Variants in ADCY2 observed in about 807,000 individuals in gnomAD.
The protein encoded by ADCY2 is adenylate cyclase type 2.
Under a neutral mutation model 125.2 loss-of-function variants are expected in ADCY2, and 31 were observed. The ratio of observed to expected loss-of-function variants is 0.25; its 90% CI spans 0.19 to 0.33. The LOEUF is 0.33. Ranked by LOEUF, ADCY2 falls within the 10% of genes least tolerant of loss-of-function variation. ADCY2 has a pLI of 1.00. For synonymous variants in ADCY2, 512 were observed against 548.4 expected (o/e 0.93, Z 0.93); for missense variants, 904 against 1,418.2 (o/e 0.64, Z 5.82).
At chr5:7,820,168 G>A (rs2126540645) in intron 23 of ADCY2, among the ~76,000 whole-genome samples, 1 of 152,222 alleles carries the variant, frequency 6.6e-6, no homozygotes, top group South Asian at 2.1e-4. Context: ...ACAGTATTGG[G>A]GCTGTTTCCT....
At chr5:7,414,899 AT>A (rs1320089284) in intron 2 of ADCY2, 129 bp downstream of exon 2, 17 of 703,974 alleles carry the variant, frequency 2.4e-5, no homozygotes, top group Non-Finnish European at 3.1e-5. Flanking sequence ...ATTTTTTTCG[AT>A]TTATATTGCT....
intron 4 of ADCY2, among the ~76,000 whole-genome samples, chr5:7,658,399 TTGTGTG>T (rs369870574): frequency 1.5e-5 from 2 of 131,026 alleles, no homozygotes; most frequent in South Asian, 2.6e-4. Flanking sequence ...GTGAAGAGAA[TTGTGTG>T]TGTGTGTGTG....
chr5:7,688,223 TC>T (rs564793517), intron 4 of ADCY2, among the ~76,000 whole-genome samples: 3 of 152,130 alleles, frequency 2.0e-5, no homozygotes, highest in Non-Finnish European at 4.4e-5. Context: ...CAGGGACTCC[TC>T]TGTTCATGTC....
intron 2 of ADCY2, among the ~76,000 whole-genome samples, chr5:7,513,423 T>C (rs963613677): frequency 6.6e-6 from 1 of 152,224 alleles, no homozygotes; most frequent in Non-Finnish European, 1.5e-5. Context: ...TTTGCAGATT[T>C]TGTTATCGAA....
In ADCY2 at chr5:7,530,120, C is replaced by T. The variant is rs16878767; in HGVS notation, c.570+9221C>T. On this transcript the variant is annotated intron_variant, in intron 3 of 24. Transcript: ENST00000338316. Reference sequence around the variant, plus strand: ...TAAAATGGCAGCAGCAATGGCCAACCTCCTTGTTTGGTTGCTGGCCTTGGT... The same window carrying T: ...TAAAATGGCAGCAGCAATGGCCAACTTCCTTGTTTGGTTGCTGGCCTTGGT... Among the ~76,000 whole-genome samples, 529 of 152,272 alleles carry T rather than the reference C, an allele frequency of 3.5e-3. 3 individuals are homozygous for T. Among genetic ancestry groups the T allele is most frequent in the African/African-American group, 0.012 (511 of 41,552 alleles).
intron 2 of ADCY2, among the ~76,000 whole-genome samples, chr5:7,518,698 G>C (rs552186587): frequency 2.0e-5 from 3 of 152,142 alleles, no homozygotes; most frequent in Non-Finnish European, 4.4e-5. Context: ...AGGATTCCGG[G>C]TCATTTTTCC....
intron 6 of ADCY2, among the ~76,000 whole-genome samples, chr5:7,696,475 T>C (rs1489022897): frequency 1.3e-5 from 2 of 152,194 alleles, no homozygotes; most frequent in African/African-American, 4.8e-5. Flanking sequence ...CTAGACCCTA[T>C]TATTTATTAG....
chr5:7,541,437 G>C (rs1417755333), intron 3 of ADCY2, among the ~76,000 whole-genome samples: 2 of 152,210 alleles, frequency 1.3e-5, no homozygotes, highest in Non-Finnish European at 1.5e-5. Flanking sequence ...GTTTAATCAG[G>C]GGAATGTCAG....
At chr5:7,767,981 A>G (rs1266877321) in intron 17 of ADCY2, among the ~76,000 whole-genome samples, 1 of 151,964 alleles carries the variant, frequency 6.6e-6, no homozygotes, top group Non-Finnish European at 1.5e-5. Context: ...CAGTAAGCCA[A>G]GATCGTGCCA....
At chr5:7,707,956 A>G in intron 9 of ADCY2, 118 bp downstream of exon 9, 1 of 1,101,494 alleles carries the variant, frequency 9.1e-7, no homozygotes, top group East Asian at 2.5e-5. Context: ...TCCCCAAAAT[A>G]TTTTAAATGC....
At chr5:7,469,888 T>G (rs1340314096) in intron 2 of ADCY2, among the ~76,000 whole-genome samples, 2 of 151,766 alleles carry the variant, frequency 1.3e-5, no homozygotes, top group African/African-American at 4.8e-5. Context: ...TTTTCTGATT[T>G]GGTAAGGCTT....
chr5:7,689,723 G>A (rs1488009484), intron 4 of ADCY2, among the ~76,000 whole-genome samples: 1 of 152,048 alleles, frequency 6.6e-6, no homozygotes, highest in African/African-American at 2.4e-5. Flanking sequence ...GCCAAAAAAA[G>A]AAAAAGAGAA....
At chr5:7,511,390 A>G (rs1017790132) in intron 2 of ADCY2, among the ~76,000 whole-genome samples, 1 of 152,094 alleles carries the variant, frequency 6.6e-6, no homozygotes, top group Non-Finnish European at 1.5e-5. Flanking sequence ...CCTGGCCAAC[A>G]TGGTGAAACC....
intron 4 of ADCY2, chr5:7,654,082 C>A: frequency 2.2e-6 from 1 of 456,166 alleles, no homozygotes. Context: ...CATTTACCAC[C>A]CTGAGGCTGG....
At chr5:7,720,947 T>G (rs1481786520) in intron 12 of ADCY2, among the ~76,000 whole-genome samples, 4 of 152,206 alleles carry the variant, frequency 2.6e-5, no homozygotes, top group Non-Finnish European at 4.4e-5. Flanking sequence ...GAATTTCTAG[T>G]TCTAGATCCT....
intron 10 of ADCY2, among the ~76,000 whole-genome samples, chr5:7,710,036 A>G (rs1189594225): frequency 6.6e-6 from 1 of 152,240 alleles, no homozygotes; most frequent in East Asian, 1.9e-4. Flanking sequence ...AATTTCATGT[A>G]TAATGCTATT....
intron 2 of ADCY2, among the ~76,000 whole-genome samples, chr5:7,448,539 G>T (rs1298952610): frequency 6.6e-6 from 1 of 151,998 alleles, no homozygotes; most frequent in South Asian, 2.1e-4. Context: ...TGTTACACAG[G>T]TGAGCGTGTG....
In ADCY2 at chr5:7,766,733, C is replaced by G. The variant is rs1336811055; in HGVS notation, c.2141C>G (p.Thr714Arg). Residue 714 changes from threonine to arginine, a missense_variant, in exon 17 of 25, where the codon ACA becomes AGA. This residue lies in a region of ADCY2 where 221 missense variants were observed against 246.2 expected (regional missense o/e 0.90). Coordinates refer to ENST00000338316, the MANE Select transcript of ADCY2 (RefSeq NM_020546.3). ...SEETIPPTAN[T>R]TNTSFSASNN... Reference sequence around the variant, plus strand: ...GAAACAATCCCTCCAACTGCCAACACAACAAACACAAGCTTTTCAGCCTCA... The same window carrying G: ...GAAACAATCCCTCCAACTGCCAACAGAACAAACACAAGCTTTTCAGCCTCA... The G allele has an allele frequency of 6.2e-7, 1 of 1,612,442 alleles. No individual in the cohort carries two copies.
intron 2 of ADCY2, among the ~76,000 whole-genome samples, chr5:7,494,792 C>G (rs979856715): frequency 1.3e-5 from 2 of 152,142 alleles, no homozygotes; most frequent in African/African-American, 4.8e-5. Context: ...CAGAATTCAA[C>G]AAGGTGTTAA....
Sources: allele counts gnomAD v4.1 joint callset (sites outside exome capture counted in the v4.1 genomes callset), GRCh38; gene constraint gnomAD v4.1.1; regional missense constraint gnomAD v4.1.1; transcripts MANE v1.5; gene names NCBI Gene and HGNC (gene_info 2026-07-23, HGNC 2026-07-21).